Variants in LPIN1 observed in about 807,000 individuals in gnomAD.
LPIN1 encodes lipin 1, also known as phosphatidate phosphatase LPIN1.
Under a neutral mutation model 107.5 loss-of-function variants are expected in LPIN1, and 71 were observed. The ratio of observed to expected loss-of-function variants is 0.66; its 90% CI spans 0.55 to 0.80. The LOEUF is 0.80. Ranked by LOEUF, LPIN1 falls within the 30% of genes least tolerant of loss-of-function variation. The pLI is 0.00. For missense variants in LPIN1, 1,043 were observed against 1,160.6 expected, an observed-to-expected ratio of 0.90 and a Z score of 1.47; for synonymous variants, 445 against 452.6, an observed-to-expected ratio of 0.98 and a Z score of 0.21.
chr2:11,792,527 C>T (rs558901191), intron 13 of LPIN1, among the ~76,000 whole-genome samples: 109 of 152,096 alleles, frequency 7.2e-4, no homozygotes, highest in African/African-American at 2.6e-3. Flanking sequence ...GGATTACAGC[C>T]ATGCACCACC....
At chr2:11,799,875 G>A (rs1677384407) in intron 14 of LPIN1, among the ~76,000 whole-genome samples, 1 of 152,188 alleles carries the variant, frequency 6.6e-6, no homozygotes, top group African/African-American at 2.4e-5. Context: ...CTGGAAACCT[G>A]TGTTTTTCAG....
chr2:11,787,155 A>G lies in LPIN1; in HGVS notation c.1631A>G (p.Lys544Arg), dbSNP rs1179402702. 1 of 1,613,108 alleles carries G rather than the reference A, an allele frequency of 6.2e-7. No homozygotes were observed. Among genetic ancestry groups the G allele is most frequent in the East Asian group, 2.2e-5 (1 of 44,876 alleles). The change falls in exon 11 of 21, where the codon AAG (lysine) becomes AGG (arginine). Residue 544 changes from lysine (K) to arginine (R), a missense_variant. Physicochemically the swap from Lys to Arg is conservative, Grantham distance 26. Transcript: ENST00000674199. ...AIIDDPNLVV[K>R]IGSKYYNWTT... ...ATCGATGACCCCAATCTCGTGGTAA[A>G]GATTGGGAGTAAGTAAGTACCTCTT...
chr2:11,797,518 A>G (rs1676934066), intron 14 of LPIN1, among the ~76,000 whole-genome samples: 1 of 152,226 alleles, frequency 6.6e-6, no homozygotes, highest in African/African-American at 2.4e-5. Flanking sequence ...CACCTCTTAC[A>G]TTAGTGTGAC....
At chr2:11,763,589 T>C (rs72773987) in intron 1 of LPIN1, among the ~76,000 whole-genome samples, 14,260 of 152,220 alleles carry the variant, frequency 0.094, 894 homozygotes, top group Middle Eastern at 0.18. Flanking sequence ...TCAGGTTTTT[T>C]TCTTGCCAGT....
At chr2:11,785,577 T>C (rs1017947455) in intron 10 of LPIN1, among the ~76,000 whole-genome samples, 3 of 152,158 alleles carry the variant, frequency 2.0e-5, no homozygotes, top group African/African-American at 4.8e-5. Context: ...TGGCAGGGTG[T>C]GCCCACGCCC....
intron 1 of LPIN1, chr2:11,740,868 T>C (rs1305993474): frequency 6.6e-6 from 1 of 152,654 alleles, no homozygotes; most frequent in East Asian, 1.9e-4. Context: ...GATCTGTGGC[T>C]GCTAATCAGA....
intron 6 of LPIN1, among the ~76,000 whole-genome samples, chr2:11,778,137 T>TG (rs71413921): frequency 3.0e-5 from 3 of 101,028 alleles, no homozygotes; most frequent in South Asian, 2.6e-4. Context: ...CACATGGACG[T>TG]GGGGGGGCCC....
intron 1 of LPIN1, among the ~76,000 whole-genome samples, chr2:11,693,291 A>G (rs1350984595): frequency 6.7e-6 from 1 of 150,144 alleles, no homozygotes. Flanking sequence ...CAAATTGCCC[A>G]TGTGACTCTG....
At position 11,697,237 on chromosome 2, in the gene LPIN1, CT is replaced by C. The variant is rs1427511688; in HGVS notation, c.82-16518del. On this transcript the variant is annotated intron_variant, in intron 1 of 21. Transcript: ENST00000449576. This position sits in a 1 kb window ranked among gnomAD's most constrained non-coding sequence, Gnocchi z 4.6. ...GCAATCGGAGGGCTGCGTGCTCCCC[CT>C]GATCAGCCCCCAGCTGCTTCTGGAT... Among the ~76,000 whole-genome samples the C allele has an allele frequency of 4.6e-5, 7 of 152,248 alleles. No homozygotes were observed. Among genetic ancestry groups the C allele is most frequent in the East Asian group, 1.9e-4 (1 of 5,186 alleles).
intron 1 of LPIN1, among the ~76,000 whole-genome samples, chr2:11,705,047 A>G (rs1254773049): frequency 6.6e-6 from 1 of 152,260 alleles, no homozygotes; most frequent in African/African-American, 2.4e-5. Context: ...AGCCCAAGGC[A>G]TGAAGCCCCT....
At chr2:11,763,824 C>A (rs1040410145) in intron 1 of LPIN1, among the ~76,000 whole-genome samples, 1 of 146,302 alleles carries the variant, frequency 6.8e-6, no homozygotes, top group African/African-American at 2.6e-5. Context: ...ACCCTGTCCA[C>A]CTTGTCGTCT....
Position 11,765,459 on chromosome 2 carries a change from A to T in LPIN1, c.-9-74A>T. The T allele has an allele frequency of 7.3e-7, 1 of 1,376,948 alleles. No individual in the cohort carries two copies. 85.3% of individuals were successfully genotyped at this position (1,376,948 alleles called of 1,614,324 possible). A position where few individuals can be genotyped will look rare whatever the true frequency, so the allele number is the denominator to read the frequency against. On this transcript the variant is annotated intron_variant, in intron 1 of 20. Transcript: ENST00000674199. This position sits in a 1 kb window ranked among gnomAD's most constrained non-coding sequence, Gnocchi z 4.4. ...TGTAATCCACGTTTTTGAAATGGTGAGGAGTTCATTTTGATTGGCTCTTCC... is the reference window on the plus strand; with the variant it reads ...TGTAATCCACGTTTTTGAAATGGTGTGGAGTTCATTTTGATTGGCTCTTCC...
chr2:11,801,021 A>C (rs921326595), intron 14 of LPIN1, among the ~76,000 whole-genome samples: 1 of 152,176 alleles, frequency 6.6e-6, no homozygotes, highest in Non-Finnish European at 1.5e-5. Context: ...CAACATCACT[A>C]ATCAGGAAAG....
intron 7 of LPIN1, 35 bp from the exon 8 acceptor site, chr2:11,782,166 T>A: frequency 2.0e-6 from 3 of 1,533,112 alleles, no homozygotes; most frequent in Non-Finnish European, 2.7e-6. Context: ...GCTGACCTTG[T>A]CTCTCTCTCT....
chr2:11,728,232 G>A (rs1052654754), intron 1 of LPIN1, among the ~76,000 whole-genome samples: 1 of 152,190 alleles, frequency 6.6e-6, no homozygotes, highest in African/African-American at 2.4e-5. Flanking sequence ...CCACATCACA[G>A]TTCCGTGCTA....
At chr2:11,750,458 G>A (rs1475127436) in intron 1 of LPIN1, among the ~76,000 whole-genome samples, 1 of 152,182 alleles carries the variant, frequency 6.6e-6, no homozygotes, top group African/African-American at 2.4e-5. Context: ...CTTTGCCTCT[G>A]TCTTTTTGGG....
chr2:11,713,829 T>C (rs1663557952), intron 2 of LPIN1: 4 of 1,485,866 alleles, frequency 2.7e-6, no homozygotes, highest in East Asian at 2.5e-5. Context: ...GCCGCTGTGA[T>C]AGAATGTCGT....
chr2:11,685,484 A>C (rs1277746844), intron 1 of LPIN1, among the ~76,000 whole-genome samples: 1 of 152,212 alleles, frequency 6.6e-6, no homozygotes, highest in East Asian at 1.9e-4. Flanking sequence ...GTAGCAGAGA[A>C]GGGTTTTGAA....
intron 17 of LPIN1, among the ~76,000 whole-genome samples, chr2:11,813,854 C>T (rs368617661): frequency 2.0e-5 from 3 of 151,920 alleles, no homozygotes; most frequent in East Asian, 1.9e-4. Context: ...GCAGAGGTTG[C>T]AGTGCGCCAA....
Sources: allele counts gnomAD v4.1 joint callset (sites outside exome capture counted in the v4.1 genomes callset), GRCh38; gene constraint gnomAD v4.1.1; non-coding constraint Gnocchi (gnomAD v3.1); transcripts MANE v1.5; gene names NCBI Gene and HGNC (gene_info 2026-07-23, HGNC 2026-07-21).